The following ARMC9 variants were observed in gnomAD, a reference collection of about 807,000 sequenced individuals.
The protein encoded by ARMC9 is armadillo repeat containing 9.
A neutral mutation model predicts 107.0 loss-of-function variants in ARMC9; 94 were observed. The ratio of observed to expected loss-of-function variants is 0.88; its 90% CI spans 0.74 to 1.04. ARMC9 has a LOEUF of 1.04. Among genes scored for constraint, ARMC9 ranks in the 50% least tolerant of loss-of-function variants. The pLI is 0.00. For synonymous variants in ARMC9, 380 were observed against 396.9 expected (o/e 0.96, Z 0.51); for missense variants, 942 against 1,030.1 (o/e 0.91, Z 1.17).
intron 19 of ARMC9, among the ~76,000 whole-genome samples, chr2:231,310,918 G>A (rs1414471416): frequency 6.6e-6 from 1 of 151,808 alleles, no homozygotes; most frequent in Non-Finnish European, 1.5e-5. Flanking sequence ...CTTGAGCCCA[G>A]GAGTTTGAGA....
intron 8 of ARMC9, among the ~76,000 whole-genome samples, chr2:231,237,777 A>ATT (rs2035886731): frequency 5.6e-5 from 2 of 35,484 alleles, no homozygotes; most frequent in Admixed American, 4.5e-4. Flanking sequence ...ATATATATAT[A>ATT]TATATTTTTT....
At chr2:231,244,128 G>A (rs1333549846) in intron 9 of ARMC9, among the ~76,000 whole-genome samples, 2 of 152,096 alleles carry the variant, frequency 1.3e-5, no homozygotes, top group Non-Finnish European at 2.9e-5. Context: ...TCACAAAACC[G>A]TTGATGTCTA....
chr2:231,288,815 C>T (rs2040794099), intron 17 of ARMC9: 6 of 424,312 alleles, frequency 1.4e-5, no homozygotes, highest in Admixed American at 1.4e-4. Flanking sequence ...CAGTATCACT[C>T]CAGACTTGGG....
chr2:231,215,137 C>A, intron 4 of ARMC9, 136 bp downstream of exon 4: 1 of 907,226 alleles, frequency 1.1e-6, no homozygotes. Context: ...CATCCTCTCT[C>A]CTGGTGAGTG....
chr2:231,255,184 C>CACAA lies in ARMC9; in HGVS notation c.880-1399_880-1398insAACA, dbSNP rs1359117270. 2.9e-5 allele frequency among the ~76,000 whole-genome samples: 1 copy of CACAA among 34,004 alleles called. No individual in the cohort carries two copies. The highest frequency in any genetic ancestry group is 4.8e-5 in the Non-Finnish European group (1 of 21,018). 22.3% of individuals were successfully genotyped at this position (34,004 alleles called of 152,430 possible). ...CTACCTGTAGTGGCAAAAAGAAACA[C>CACAA]ACACACACACACACACACACACACA... On this transcript the variant is annotated intron_variant, in intron 9 of 24. Coordinates refer to ENST00000611582, the MANE Select transcript of ARMC9 (RefSeq NM_001352754.2). This position sits in a 1 kb window ranked among gnomAD's most constrained non-coding sequence, Gnocchi z 4.7.
At chr2:231,199,830 G>A (rs1188663189) in intron 1 of ARMC9, among the ~76,000 whole-genome samples, 3 of 151,986 alleles carry the variant, frequency 2.0e-5, no homozygotes, top group Non-Finnish European at 4.4e-5. Flanking sequence ...CTGGTAGCTG[G>A]GATTACAGGT....
intron 20 of ARMC9, among the ~76,000 whole-genome samples, chr2:231,342,910 G>A (rs1303912935): frequency 6.6e-6 from 1 of 151,546 alleles, no homozygotes; most frequent in African/African-American, 2.4e-5. Context: ...CCTAGTCAGG[G>A]CAGGGTTTTT....
intron 19 of ARMC9, among the ~76,000 whole-genome samples, chr2:231,328,787 T>G (rs2043506035): frequency 6.6e-6 from 1 of 150,890 alleles, no homozygotes; most frequent in South Asian, 2.1e-4. Flanking sequence ...CAAAGTTGTC[T>G]TAGCGTGTTC....
At chr2:231,316,675 A>AT (rs1559452729) in intron 19 of ARMC9, among the ~76,000 whole-genome samples, 1 of 150,484 alleles carries the variant, frequency 6.6e-6, no homozygotes, top group African/African-American at 2.4e-5. Context: ...AAAAAAAAAA[A>AT]AGAAAGAAAA....
chr2:231,259,098 G>T lies in ARMC9; in HGVS notation c.1022G>T (p.Arg341Leu), dbSNP rs1334293953. 2 of 1,611,540 alleles carry T rather than the reference G, an allele frequency of 1.2e-6. No homozygotes were observed. Among genetic ancestry groups the T allele is most frequent in the Non-Finnish European group, 1.7e-6 (2 of 1,177,874 alleles). The change falls in exon 11 of 25, where the codon CGC becomes CTC. Residue 341 changes from arginine to leucine, a missense_variant. By Grantham distance (102) the Arg-to-Leu change is moderately radical. Coordinates refer to ENST00000611582, the MANE Select transcript of ARMC9 (RefSeq NM_001352754.2). ...RLKAFLLQALRWRLTTSHPGE... is the reference protein window; with the variant it reads ...RLKAFLLQALLWRLTTSHPGE... ...AAAGCCTTCTTGTTGCAGGCTCTGC[G>T]CTGGGTAGGTACCTTTGTCTTAAAG...
At chr2:231,291,472 A>G (rs769426123) in intron 18 of ARMC9, 29 bp downstream of exon 18, 16 of 1,593,168 alleles carry the variant, frequency 1.0e-5, no homozygotes, top group Admixed American at 1.7e-5. Flanking sequence ...TCTTTGATCT[A>G]TCTTTTGAAT....
intron 19 of ARMC9, among the ~76,000 whole-genome samples, chr2:231,312,120 A>G (rs902313208): frequency 1.3e-5 from 2 of 152,218 alleles, no homozygotes; most frequent in African/African-American, 4.8e-5. Flanking sequence ...TTGGCTTGGC[A>G]GGTCCTCTGC....
intron 23 of ARMC9, among the ~76,000 whole-genome samples, chr2:231,366,084 C>T (rs762547371): frequency 6.6e-6 from 1 of 152,142 alleles, no homozygotes; most frequent in Non-Finnish European, 1.5e-5. Context: ...GGAATTGGCT[C>T]ATGTGATTGG....
At chr2:231,290,401 T>C (rs2040904358) in intron 17 of ARMC9, among the ~76,000 whole-genome samples, 1 of 152,246 alleles carries the variant, frequency 6.6e-6, no homozygotes, top group Non-Finnish European at 1.5e-5. Flanking sequence ...TTGGCTCATG[T>C]AACTGAAAAG....
chr2:231,235,604 T>C (rs987875296), intron 8 of ARMC9, among the ~76,000 whole-genome samples: 1 of 152,218 alleles, frequency 6.6e-6, no homozygotes, highest in Non-Finnish European at 1.5e-5. Context: ...TTTCTTAACA[T>C]ACTGTCTGCC....
In ARMC9 at chr2:231,374,355, T is replaced by A. The variant is rs74317222; in HGVS notation, c.*2820T>A. 1.1e-4 allele frequency: 16 copies of A among 152,290 alleles called. No homozygotes were observed. Among genetic ancestry groups the A allele is most frequent in the African/African-American group, 3.1e-4 (13 of 41,554 alleles). 9.4% of individuals were successfully genotyped at this position (152,290 alleles called of 1,614,324 possible). A position where few individuals can be genotyped will look rare whatever the true frequency, so the allele number is the denominator to read the frequency against. ...GCCGCCCCTCTGGTTACCTCACATC[T>A]TCTGGTTTCTTCTGAGTGGGACTTG... On this transcript the variant is annotated 3_prime_UTR_variant, in exon 25 of 25. Transcript: ENST00000611582.
In ARMC9 at chr2:231,325,825, C is replaced by T. The variant is rs375755058; in HGVS notation, c.1774-5968C>T. 9.9e-5 allele frequency among the ~76,000 whole-genome samples: 15 copies of T among 152,264 alleles called. No homozygotes were observed. The East Asian group carries it at 2.3e-3, about 23-fold the overall frequency. ...TACCTTTAAGGAAATTTCAGGACAG[C>T]GGGTCTGCTAGCACTTGGCAGAGCT... On this transcript the variant is annotated intron_variant, in intron 19 of 24. Coordinates refer to ENST00000611582, the MANE Select transcript of ARMC9 (RefSeq NM_001352754.2).
At chr2:231,240,229 C>T (rs944457414) in intron 9 of ARMC9, 188 bp downstream of exon 9, 38 of 615,124 alleles carry the variant, frequency 6.2e-5, no homozygotes, top group African/African-American at 4.8e-4. Context: ...AAGCTGGCCT[C>T]CTAGGGAGGG....
chr2:231,267,594 T>C (rs1235322885), intron 12 of ARMC9, among the ~76,000 whole-genome samples: 2 of 152,196 alleles, frequency 1.3e-5, no homozygotes, highest in Non-Finnish European at 2.9e-5. Context: ...TTACGCTCAC[T>C]TGATCTACTT....
Sources: allele counts gnomAD v4.1 joint callset (sites outside exome capture counted in the v4.1 genomes callset), GRCh38; gene constraint gnomAD v4.1.1; non-coding constraint Gnocchi (gnomAD v3.1); transcripts MANE v1.5; gene names NCBI Gene and HGNC (gene_info 2026-07-23, HGNC 2026-07-21).